ZNF385D: variants seen among roughly 807,000 people sequenced by gnomAD.
ZNF385D encodes the protein zinc finger protein 659.
In ZNF385D, 15 loss-of-function variants were observed where a neutral mutation model predicts 35.8. The observed-to-expected ratio is 0.42, with a 90% CI of 0.28 to 0.64. The LOEUF is 0.64. Ranked by LOEUF, ZNF385D falls within the 30% of genes least tolerant of loss-of-function variation. The pLI is 0.23. For synonymous variants in ZNF385D, 212 were observed against 186.8 expected (o/e 1.13, Z -1.10); for missense variants, 474 against 494.6 (o/e 0.96, Z 0.39).
At chr3:21,765,994 GC>G (rs1425742508) in intron 3 of ZNF385D, among the ~76,000 whole-genome samples, 2 of 152,066 alleles carry the variant, frequency 1.3e-5, no homozygotes, top group African/African-American at 4.8e-5. Context: ...TTGTATACCA[GC>G]TTTTTGACTA....
intron 2 of ZNF385D, among the ~76,000 whole-genome samples, chr3:22,321,206 ATC>A (rs1335741667): frequency 1.3e-4 from 2 of 15,412 alleles, no homozygotes; most frequent in Non-Finnish European, 2.8e-4. Flanking sequence ...CATCTCTTTT[ATC>A]TCTTTTATTA....
At chr3:22,136,096 A>G (rs1239283531) in intron 3 of ZNF385D, among the ~76,000 whole-genome samples, 3 of 152,192 alleles carry the variant, frequency 2.0e-5, no homozygotes, top group Non-Finnish European at 2.9e-5. Context: ...GATAATCCGT[A>G]TAAGAGGCCA....
intron 3 of ZNF385D, among the ~76,000 whole-genome samples, chr3:21,994,447 A>C (rs571928752): frequency 6.6e-6 from 1 of 152,100 alleles, no homozygotes; most frequent in South Asian, 2.1e-4. Context: ...TGTTTTCCTG[A>C]ATTATTTATG....
intron 1 of ZNF385D, among the ~76,000 whole-genome samples, chr3:21,722,551 G>A (rs544392845): frequency 8.9e-4 from 136 of 152,340 alleles, no homozygotes; most frequent in Non-Finnish European, 1.7e-3. Context: ...TCCCAGATGG[G>A]CTAGTAATAA....
At chr3:22,369,673 T>C (rs1156390524) in intron 2 of ZNF385D, among the ~76,000 whole-genome samples, 1 of 152,230 alleles carries the variant, frequency 6.6e-6, no homozygotes, top group East Asian at 1.9e-4. Context: ...TTTTATTTGA[T>C]AATTCCATTC....
rs73142835 is a variant in ZNF385D, at chr3:21,795,472, G to C, written c.326-130444C>G. Among the ~76,000 whole-genome samples, 1,081 of 152,336 alleles carry C rather than the reference G, an allele frequency of 7.1e-3. 16 individuals carry two copies. The highest frequency in any genetic ancestry group is 0.025 in the African/African-American group (1,035 of 41,572). ...TAGCCGTGTGCAAAAGAAAAGCTGGGTCTAAAAATAATTGACAGTGAGGGA... is the reference window on the plus strand; with the variant it reads ...TAGCCGTGTGCAAAAGAAAAGCTGGCTCTAAAAATAATTGACAGTGAGGGA... On this transcript the variant is annotated intron_variant, in intron 3 of 5. Transcript: ENST00000494108.
intron 3 of ZNF385D, among the ~76,000 whole-genome samples, chr3:21,995,262 C>G (rs754440958): frequency 6.6e-5 from 10 of 152,328 alleles, no homozygotes; most frequent in Non-Finnish European, 1.3e-4. Context: ...GCCAAGAAGG[C>G]ATGCATAGGT....
intron 3 of ZNF385D, among the ~76,000 whole-genome samples, chr3:22,144,043 A>G (rs1298504750): frequency 6.6e-6 from 1 of 152,102 alleles, no homozygotes; most frequent in Non-Finnish European, 1.5e-5. Flanking sequence ...GACTGACTGA[A>G]GAGTGAAATG....
intron 4 of ZNF385D, among the ~76,000 whole-genome samples, chr3:21,499,493 G>C (rs1331732334): frequency 2.0e-5 from 3 of 152,060 alleles, no homozygotes; most frequent in African/African-American, 7.2e-5. Context: ...TGGAAGGTGG[G>C]AGAAGGGTGA....
intron 3 of ZNF385D, among the ~76,000 whole-genome samples, chr3:22,045,323 A>T (rs1170662871): frequency 6.6e-6 from 1 of 152,104 alleles, no homozygotes; most frequent in Non-Finnish European, 1.5e-5. Flanking sequence ...TCATATAATA[A>T]ATATAACATA....
At chr3:22,188,094 A>G (rs1695760977) in intron 2 of ZNF385D, among the ~76,000 whole-genome samples, 1 of 152,198 alleles carries the variant, frequency 6.6e-6, no homozygotes. Context: ...CGGAGGAAAG[A>G]TGGGAAAGGA....
chr3:21,774,524 G>T (rs6797528), intron 3 of ZNF385D, among the ~76,000 whole-genome samples: 2 of 151,694 alleles, frequency 1.3e-5, no homozygotes, highest in Admixed American at 1.3e-4. Flanking sequence ...GGAAACAGGA[G>T]ATGGGAAATA....
intron 4 of ZNF385D, among the ~76,000 whole-genome samples, chr3:21,477,472 G>C (rs935420589): frequency 4.6e-5 from 7 of 151,974 alleles, no homozygotes; most frequent in Non-Finnish European, 8.8e-5. Flanking sequence ...ACTTTTGGTA[G>C]AATTTGCATC....
chr3:21,985,527 A>G (rs1694756076), intron 3 of ZNF385D, among the ~76,000 whole-genome samples: 3 of 117,624 alleles, frequency 2.6e-5, no homozygotes, highest in Non-Finnish European at 5.3e-5. Flanking sequence ...CCACTTGATC[A>G]TGGTGGATAA....
chr3:21,864,154 T>C (rs1036201160), intron 3 of ZNF385D, among the ~76,000 whole-genome samples: 3 of 152,126 alleles, frequency 2.0e-5, no homozygotes, highest in Non-Finnish European at 4.4e-5. Context: ...CATTTTACAG[T>C]TGAATTCTCA....
chr3:21,990,176 T>A (rs77086292), intron 3 of ZNF385D, among the ~76,000 whole-genome samples: 1 of 152,204 alleles, frequency 6.6e-6, no homozygotes, highest in African/African-American at 2.4e-5. Context: ...TTATTTTCTT[T>A]GAAAAGAAGA....
At chr3:21,428,576 T>C (rs905027973) in intron 5 of ZNF385D, among the ~76,000 whole-genome samples, 1 of 152,006 alleles carries the variant, frequency 6.6e-6, no homozygotes, top group African/African-American at 2.4e-5. Context: ...CCCCACCCCC[T>C]GCTTTTTCTC....
At chr3:21,973,310 C>A (rs902614963) in intron 3 of ZNF385D, among the ~76,000 whole-genome samples, 4 of 151,828 alleles carry the variant, frequency 2.6e-5, no homozygotes, top group Non-Finnish European at 5.9e-5. Flanking sequence ...GAATGAAGGA[C>A]AACAACCATA....
chr3:21,750,845 G>T, intron 1 of ZNF385D, 50 bp downstream of exon 1: 5 of 1,610,088 alleles, frequency 3.1e-6, no homozygotes, highest in African/African-American at 1.3e-5. Context: ...TGTCTGCACG[G>T]ATGAAGAGCC....
Sources: gnomAD v4.1 joint callset for allele counts (sites outside exome capture counted in the v4.1 genomes callset) on GRCh38, gnomAD v4.1.1 for gene constraint, MANE v1.5 for transcripts, NCBI Gene and HGNC (gene_info 2026-07-23, HGNC 2026-07-21) for gene names.